The following SCFD2 variants were observed in gnomAD, a reference collection of about 807,000 sequenced individuals.
The protein encoded by SCFD2 is sec1 family domain-containing protein 2.
In SCFD2, 54 loss-of-function variants were observed where a neutral mutation model predicts 58.9. The observed-to-expected ratio is 0.92, with a 90% CI of 0.74 to 1.15. The LOEUF (loss-of-function observed/expected upper bound fraction) is 1.15, where lower values mean the gene tolerates loss of function less well. Among genes scored for constraint, SCFD2 ranks in the 50% most tolerant of loss-of-function variants. SCFD2 has a pLI of 0.00. For synonymous variants in SCFD2, 321 were observed against 335.9 expected (o/e 0.96, Z 0.49); for missense variants, 805 against 836.6 (o/e 0.96, Z 0.47).
intron 4 of SCFD2, among the ~76,000 whole-genome samples, chr4:53,252,557 A>G (rs909487353): frequency 6.7e-6 from 1 of 150,044 alleles, no homozygotes; most frequent in Non-Finnish European, 1.5e-5. Context: ...ATGGAACAGA[A>G]CAGAGCCCTC....
intron 4 of SCFD2, among the ~76,000 whole-genome samples, chr4:53,151,678 CT>C (rs1726511785): frequency 6.6e-6 from 1 of 152,198 alleles, no homozygotes; most frequent in African/African-American, 2.4e-5. Context: ...TGCTAAGCTT[CT>C]GCTGGAGAAC....
At chr4:53,307,553 CA>C (rs1314166402) in intron 3 of SCFD2, among the ~76,000 whole-genome samples, 2 of 152,110 alleles carry the variant, frequency 1.3e-5, no homozygotes, top group Admixed American at 6.5e-5. Flanking sequence ...GTGACATGAA[CA>C]GAGAAAACTT....
chr4:52,995,144 T>A (rs1192206503), intron 5 of SCFD2, among the ~76,000 whole-genome samples: 1 of 152,162 alleles, frequency 6.6e-6, no homozygotes, highest in Admixed American at 6.5e-5. Context: ...TAACTTACCA[T>A]AATGTAGAAT....
chr4:52,900,438 G>A (rs906279126), intron 7 of SCFD2, among the ~76,000 whole-genome samples: 3 of 152,168 alleles, frequency 2.0e-5, no homozygotes, highest in Admixed American at 6.5e-5. Flanking sequence ...TATGAGCAGC[G>A]GTGGCTGCAG....
At chr4:52,875,088 A>G (rs1718438983) in intron 8 of SCFD2, among the ~76,000 whole-genome samples, 1 of 152,212 alleles carries the variant, frequency 6.6e-6, no homozygotes, top group Non-Finnish European at 1.5e-5. Flanking sequence ...AGCAACTTGT[A>G]CAAGGACACA....
chr4:52,996,897 A>T (rs1447774750), intron 5 of SCFD2, among the ~76,000 whole-genome samples: 1 of 152,324 alleles, frequency 6.6e-6, no homozygotes, highest in East Asian at 1.9e-4. Context: ...TGGAAACACC[A>T]CTCACTGGAA....
chr4:53,178,711 A>T (rs1468354541), intron 4 of SCFD2, among the ~76,000 whole-genome samples: 1 of 152,206 alleles, frequency 6.6e-6, no homozygotes, highest in Non-Finnish European at 1.5e-5. Context: ...GAGCTACAGG[A>T]GGAAATTCAA....
chr4:53,041,600 G>A (rs1722902544), intron 5 of SCFD2, among the ~76,000 whole-genome samples: 1 of 152,072 alleles, frequency 6.6e-6, no homozygotes. Flanking sequence ...AAAGTACTGG[G>A]TAAGGATGAG....
At chr4:53,227,356 A>T (rs1055991442) in intron 4 of SCFD2, among the ~76,000 whole-genome samples, 21 of 152,182 alleles carry the variant, frequency 1.4e-4, no homozygotes, top group African/African-American at 4.8e-4. Context: ...AAACAGTGAA[A>T]TTCTCCTGTG....
intron 4 of SCFD2, among the ~76,000 whole-genome samples, chr4:53,235,660 G>A (rs1017649300): frequency 1.3e-5 from 2 of 152,216 alleles, no homozygotes; most frequent in African/African-American, 2.4e-5. Flanking sequence ...GCTATGTGAA[G>A]AGAAAGTAGC....
intron 2 of SCFD2, among the ~76,000 whole-genome samples, chr4:53,330,852 T>C (rs1733430406): frequency 6.6e-6 from 1 of 151,706 alleles, no homozygotes; most frequent in Non-Finnish European, 1.5e-5. Context: ...AGGAAACCCA[T>C]CTCACGTGCA....
At chr4:52,938,189 T>C (rs1720192323) in intron 5 of SCFD2, among the ~76,000 whole-genome samples, 2 of 152,204 alleles carry the variant, frequency 1.3e-5, no homozygotes, top group Admixed American at 6.5e-5. Flanking sequence ...TTATATGTAT[T>C]AGTTCATTTA....
intron 5 of SCFD2, among the ~76,000 whole-genome samples, chr4:53,018,180 C>T (rs1283709259): frequency 6.6e-6 from 1 of 152,198 alleles, no homozygotes; most frequent in African/African-American, 2.4e-5. Flanking sequence ...GCCTGACACT[C>T]ATATTTATTT....
At chr4:52,944,717 C>T (rs1485571652) in intron 5 of SCFD2, among the ~76,000 whole-genome samples, 1 of 152,192 alleles carries the variant, frequency 6.6e-6, no homozygotes, top group Non-Finnish European at 1.5e-5. Flanking sequence ...AAATATATTT[C>T]ACTAAAGTGC....
rs140324682 is a variant in SCFD2, at chr4:52,943,401, G to T, written c.1562-22531C>A. Among the ~76,000 whole-genome samples, 15 of 152,234 alleles carry T rather than the reference G, an allele frequency of 9.9e-5. No individual in the cohort carries two copies. The East Asian group carries it at 2.7e-3, about 27-fold the overall frequency. On this transcript the variant is annotated intron_variant, in intron 5 of 8. Transcript: ENST00000401642. ...TTTACTTCCTCACAGTAAATTTATG[G>T]ATGTTGGAAAGTCAGTGTCAAAGTG...
intron 4 of SCFD2, among the ~76,000 whole-genome samples, chr4:53,152,176 C>T (rs1726529554): frequency 6.6e-6 from 1 of 152,062 alleles, no homozygotes; most frequent in African/African-American, 2.4e-5. Flanking sequence ...TAAATCCAGT[C>T]TCCTATATAA....
At chr4:53,117,018 TTCTGCA>T (rs1053785838) in intron 5 of SCFD2, among the ~76,000 whole-genome samples, 1 of 152,214 alleles carries the variant, frequency 6.6e-6, no homozygotes, top group African/African-American at 2.4e-5. Flanking sequence ...TAGACAAAAC[TTCTGCA>T]TCTTATCTAA....
intron 4 of SCFD2, among the ~76,000 whole-genome samples, chr4:53,165,017 G>C (rs1726966668): frequency 6.6e-6 from 1 of 152,164 alleles, no homozygotes; most frequent in African/African-American, 2.4e-5. Flanking sequence ...TGGAGCACTG[G>C]CTGGCTTGGC....
intron 4 of SCFD2, among the ~76,000 whole-genome samples, chr4:53,190,232 G>C (rs961059722): frequency 1.3e-4 from 20 of 149,602 alleles, no homozygotes; most frequent in African/African-American, 4.9e-4. Flanking sequence ...CTTGACTACT[G>C]AGAAACAGCT....
Sources: allele counts gnomAD v4.1 joint callset (sites outside exome capture counted in the v4.1 genomes callset), GRCh38; gene constraint gnomAD v4.1.1; transcripts MANE v1.5; gene names NCBI Gene and HGNC (gene_info 2026-07-23, HGNC 2026-07-21).